The following CTNNA2 variants were observed in gnomAD, a reference collection of about 807,000 sequenced individuals.
The protein encoded by CTNNA2 is catenin alpha-2.
CTNNA2 carries 42 observed loss-of-function variants against 101.0 expected under a neutral mutation model. That is an observed-to-expected ratio of 0.42 (90% CI 0.32 to 0.54). The LOEUF (loss-of-function observed/expected upper bound fraction) is 0.54, where lower values mean the gene tolerates loss of function less well. CTNNA2 is among the 20% of genes least tolerant of loss of function. CTNNA2 has a pLI of 0.14. For missense variants in CTNNA2, 871 were observed against 1,223.1 expected (o/e 0.71, Z 4.29); for synonymous variants, 450 against 456.4 (o/e 0.99, Z 0.18).
chr2:80,195,904 C>A (rs1326725921), intron 7 of CTNNA2, among the ~76,000 whole-genome samples: 1 of 152,076 alleles, frequency 6.6e-6, no homozygotes, highest in Non-Finnish European at 1.5e-5. Context: ...TTGGGAACCG[C>A]AGGTCACAAA....
chr2:79,355,222 G>A (rs1462408853), intron 3 of CTNNA2, among the ~76,000 whole-genome samples: 1 of 152,012 alleles, frequency 6.6e-6, no homozygotes, highest in Non-Finnish European at 1.5e-5. Context: ...CTCTTTTTGG[G>A]TTCCATATGA....
intron 7 of CTNNA2, among the ~76,000 whole-genome samples, chr2:80,237,309 C>T (rs1260923681): frequency 1.3e-5 from 2 of 152,188 alleles, no homozygotes; most frequent in African/African-American, 4.8e-5. Flanking sequence ...GTTCAAAATA[C>T]ATACAGTACC....
At chr2:80,476,157 A>T (rs959021515) in intron 9 of CTNNA2, among the ~76,000 whole-genome samples, 1 of 152,142 alleles carries the variant, frequency 6.6e-6, no homozygotes, top group Non-Finnish European at 1.5e-5. Context: ...AGCTGAACCC[A>T]TGACCACAGA....
At chr2:79,389,184 G>C (rs1344898449) in intron 4 of CTNNA2, among the ~76,000 whole-genome samples, 1 of 152,084 alleles carries the variant, frequency 6.6e-6, no homozygotes, top group South Asian at 2.1e-4. Flanking sequence ...ATCACCATAA[G>C]GGTCTACATT....
At chr2:80,646,233 CAGTTCATGA>C (rs1299805718) in intron 18 of CTNNA2, among the ~76,000 whole-genome samples, 13 of 152,256 alleles carry the variant, frequency 8.5e-5, no homozygotes, top group East Asian at 5.8e-4. Context: ...AATGCAGCTA[CAGTTCATGA>C]AGTTCATGAA....
intron 1 of CTNNA2, among the ~76,000 whole-genome samples, chr2:79,561,351 C>T (rs1185102150): frequency 6.6e-6 from 1 of 151,832 alleles, no homozygotes; most frequent in African/African-American, 2.4e-5. Context: ...GGTGTTTCTA[C>T]TTTTTGTCAA....
chr2:80,107,670 C>G (rs1226506945), intron 7 of CTNNA2, among the ~76,000 whole-genome samples: 1 of 152,240 alleles, frequency 6.6e-6, no homozygotes, highest in Non-Finnish European at 1.5e-5. Flanking sequence ...TGGCACTTTG[C>G]CCTTGCTGGC....
chr2:79,311,205 C>T (rs112828459), intron 2 of CTNNA2, among the ~76,000 whole-genome samples: 10,247 of 151,938 alleles, frequency 0.067, 467 homozygotes, highest in East Asian at 0.13. Context: ...GTCAGGAGAT[C>T]GAGACCATTC....
intron 8 of CTNNA2, among the ~76,000 whole-genome samples, chr2:80,406,281 T>A (rs1232749013): frequency 6.9e-6 from 1 of 145,570 alleles, no homozygotes; most frequent in Admixed American, 6.9e-5. Flanking sequence ...TTACAGTGAG[T>A]CGAGATCGCG....
intron 7 of CTNNA2, among the ~76,000 whole-genome samples, chr2:79,995,046 G>C (rs1692448029): frequency 6.6e-6 from 1 of 152,184 alleles, no homozygotes; most frequent in African/African-American, 2.4e-5. Context: ...AGCTGATTCT[G>C]TGCATGCCAT....
intron 2 of CTNNA2, among the ~76,000 whole-genome samples, chr2:79,220,832 A>G (rs774492844): frequency 6.6e-6 from 1 of 152,232 alleles, no homozygotes; most frequent in Non-Finnish European, 1.5e-5. Flanking sequence ...GCTGTAGGAA[A>G]GATAAACAGG....
chr2:79,359,572 G>A (rs1000958923), intron 3 of CTNNA2, among the ~76,000 whole-genome samples: 5 of 152,134 alleles, frequency 3.3e-5, no homozygotes, highest in African/African-American at 7.2e-5. Context: ...TGCTGAATAG[G>A]AGGAAAACCC....
intron 1 of CTNNA2, among the ~76,000 whole-genome samples, chr2:79,523,766 A>G (rs1672247983): frequency 6.6e-6 from 1 of 152,176 alleles, no homozygotes. Context: ...TTAAACTTGT[A>G]AAAGTTTACC....
chr2:79,456,515 A>G (rs941569096), intron 4 of CTNNA2, among the ~76,000 whole-genome samples: 1 of 152,172 alleles, frequency 6.6e-6, no homozygotes, highest in African/African-American at 2.4e-5. Context: ...TTGGTGCTGT[A>G]TTAAAATAGA....
intron 12 of CTNNA2, among the ~76,000 whole-genome samples, chr2:80,559,989 C>T (rs540137450): frequency 1.4e-5 from 2 of 143,712 alleles, no homozygotes; most frequent in Admixed American, 1.4e-4. Context: ...GCCATGTGAG[C>T]GTGACTAGGT....
intron 18 of CTNNA2, among the ~76,000 whole-genome samples, chr2:80,636,519 G>C (rs1283671986): frequency 6.6e-6 from 1 of 152,076 alleles, no homozygotes; most frequent in Non-Finnish European, 1.5e-5. Flanking sequence ...AGGGATCTCA[G>C]CTGGGGTCTA....
At chr2:80,573,309 C>T (rs1694762770) in intron 12 of CTNNA2, 1 of 152,118 alleles carries the variant, frequency 6.6e-6, no homozygotes, top group African/African-American at 2.4e-5. Flanking sequence ...GTTTACTTTC[C>T]ACTAATCTCT....
intron 7 of CTNNA2, among the ~76,000 whole-genome samples, chr2:80,192,321 T>C (rs991511149): frequency 1.2e-4 from 18 of 152,316 alleles, no homozygotes; most frequent in African/African-American, 4.1e-4. Context: ...TTTCACTCTA[T>C]CGCAAGCCTT....
At chr2:80,297,119 A>G (rs2149193631) in intron 7 of CTNNA2, among the ~76,000 whole-genome samples, 1 of 152,336 alleles carries the variant, frequency 6.6e-6, no homozygotes, top group South Asian at 2.1e-4. Flanking sequence ...ACCAGTGACC[A>G]GAGCAAACAA....
Sources: gnomAD v4.1 joint callset for allele counts (sites outside exome capture counted in the v4.1 genomes callset) on GRCh38, gnomAD v4.1.1 for gene constraint, MANE v1.5 for transcripts, NCBI Gene and HGNC (gene_info 2026-07-23, HGNC 2026-07-21) for gene names.